TRIM59: variants seen among roughly 807,000 people sequenced by gnomAD.
The protein encoded by TRIM59 is tripartite motif-containing protein 59.
TRIM59 carries 14 observed loss-of-function variants against 32.2 expected under a neutral mutation model. That is an observed-to-expected ratio of 0.43 (90% confidence interval 0.29 to 0.68). The LOEUF (loss-of-function observed/expected upper bound fraction) is 0.68. Among genes scored for constraint, TRIM59 ranks in the 30% least tolerant of loss-of-function variants. The probability of loss-of-function intolerance (pLI) is 0.15; values close to 1 mark genes in which losing one functional copy is unlikely to be tolerated. For missense variants in TRIM59, 471 were observed against 463.3 expected, an observed-to-expected ratio of 1.02 and a Z score of -0.15; for synonymous variants, 163 against 155.1, an observed-to-expected ratio of 1.05 and a Z score of -0.38.
chr3:160,435,932 G>C lies in TRIM59; in HGVS notation c.*2040C>G, dbSNP rs1718917241. 5 of 1,282,752 alleles carry C rather than the reference G, an allele frequency of 3.9e-6. No homozygotes were observed. The highest frequency in any genetic ancestry group is 5.1e-6 in the Non-Finnish European group (5 of 985,110). 79.5% of individuals were successfully genotyped at this position (1,282,752 alleles called of 1,614,324 possible). On this transcript the variant is annotated 3_prime_UTR_variant, in exon 3 of 3. Coordinates refer to ENST00000309784, the MANE Select transcript of TRIM59 (RefSeq NM_173084.3). Reference sequence around the variant, plus strand: ...TTAAAAATATTCACATCACAGAAATGAGATTAAGTAGTTTAACACATAATG... The same window carrying C: ...TTAAAAATATTCACATCACAGAAATCAGATTAAGTAGTTTAACACATAATG...
intron 2 of TRIM59, among the ~76,000 whole-genome samples, chr3:160,443,993 G>C (rs540603318): frequency 6.6e-6 from 1 of 151,918 alleles, no homozygotes; most frequent in Admixed American, 6.6e-5. Context: ...CATATTGAGA[G>C]GTAACTAAAT....
intron 2 of TRIM59, among the ~76,000 whole-genome samples, chr3:160,441,491 C>T (rs918618028): frequency 3.3e-5 from 5 of 152,016 alleles, no homozygotes; most frequent in Non-Finnish European, 7.4e-5. Context: ...CGGGGGCTCA[C>T]GCCTGTAATC....
chr3:160,444,109 C>T (rs1719398029), intron 2 of TRIM59, among the ~76,000 whole-genome samples: 1 of 151,884 alleles, frequency 6.6e-6, no homozygotes, highest in Admixed American at 6.6e-5. Context: ...ATATCAAATA[C>T]TGATTTTACC....
rs1719070739 is a variant in TRIM59, at chr3:160,438,157, T to G, written c.1027A>C (p.Met343Leu). 6.2e-7 allele frequency: 1 copy of G among 1,611,762 alleles called. No individual in the cohort carries two copies. Among genetic ancestry groups the G allele is most frequent in the South Asian group, 1.1e-5 (1 of 90,338 alleles). The part of the protein sequence containing the change: ...VVVTLISVIL[M>L]SILFFNQHII... ...TGTTGGTTGAAAAAGAGTATCGACA[T>G]CAGTATTACTGAAATTAATGTAACT... The change falls in exon 3 of 3, where the codon ATG becomes CTG. Residue 343 changes from methionine (M) to leucine (L), a missense_variant. Transcript: ENST00000309784.
chr3:160,438,554 A>G lies in TRIM59; in HGVS notation c.630T>C (p.Val210=). The change falls in exon 3 of 3, where the codon GTT becomes GTC. Residue 210 remains valine (V), a synonymous_variant. Transcript: ENST00000309784. ...KKSFLTALCD[V]GNLINQEYTP... ...TATATTCTTGATTAATTAGATTGCC[A>G]ACATCACAGAGAGCCGTTAGGAAAC... 2 of 1,611,318 alleles carry G rather than the reference A, an allele frequency of 1.2e-6. No individual in the cohort carries two copies. The highest frequency in any genetic ancestry group is 2.2e-5 in the South Asian group (2 of 89,938).
At chr3:160,441,308 G>A (rs1451713986) in intron 2 of TRIM59, among the ~76,000 whole-genome samples, 2 of 152,190 alleles carry the variant, frequency 1.3e-5, no homozygotes, top group Non-Finnish European at 2.9e-5. Flanking sequence ...TTTTAACACT[G>A]CAGGCATTCA....
chr3:160,444,539 A>G (rs1040841142), intron 2 of TRIM59, among the ~76,000 whole-genome samples: 3 of 152,196 alleles, frequency 2.0e-5, no homozygotes, highest in African/African-American at 7.2e-5. Flanking sequence ...CTGTCCTATA[A>G]TGTGACTTTG....
chr3:160,440,687 G>T (rs532704877), intron 2 of TRIM59, among the ~76,000 whole-genome samples: 1 of 152,204 alleles, frequency 6.6e-6, no homozygotes, highest in South Asian at 2.1e-4. Context: ...CGAGGCGGGC[G>T]GATCACCTGA....
At chr3:160,440,757 C>T (rs1413449849) in intron 2 of TRIM59, among the ~76,000 whole-genome samples, 1 of 152,086 alleles carries the variant, frequency 6.6e-6, no homozygotes, top group Non-Finnish European at 1.5e-5. Context: ...ACTAAAAATA[C>T]AAAATTAGCC....
At chr3:160,440,527 A>C (rs951665525) in intron 2 of TRIM59, among the ~76,000 whole-genome samples, 1 of 152,194 alleles carries the variant, frequency 6.6e-6, no homozygotes, top group African/African-American at 2.4e-5. Flanking sequence ...CCCTCAATGC[A>C]TCAGCCACAA....
rs758339328 is a variant in TRIM59 at position 160,438,820 on chromosome 3, T to C, written c.364A>G (p.Thr122Ala). The change falls in exon 3 of 3, where the codon ACC becomes GCC. Residue 122 changes from threonine to alanine, a missense_variant. Transcript: ENST00000309784. ...DKKLVCGHCL[T>A]IGQHHGHPID... is the part of the protein sequence containing the mutation. ...GGATGACCATGATGTTGACCTATGGTAAGGCAATGACCACAAACTAATTTT... is the reference window on the plus strand; with the variant it reads ...GGATGACCATGATGTTGACCTATGGCAAGGCAATGACCACAAACTAATTTT... 1 of 1,614,028 alleles carries C rather than the reference T, an allele frequency of 6.2e-7. No homozygotes were observed. The highest frequency in any genetic ancestry group is 1.1e-5 in the South Asian group (1 of 91,082).
chr3:160,438,569 C>T lies in TRIM59; in HGVS notation c.615G>A (p.Thr205=), dbSNP rs369853660. 5.4e-5 allele frequency: 87 copies of T among 1,610,740 alleles called. No homozygotes were observed. Among genetic ancestry groups the T allele is most frequent in the Non-Finnish European group, 6.6e-5 (78 of 1,179,300 alleles). Residue 205 remains threonine (T), a synonymous_variant, in exon 3 of 3, where the codon ACG becomes ACA. Coordinates refer to ENST00000309784, the MANE Select transcript of TRIM59 (RefSeq NM_173084.3). The stretch of plus-strand genomic sequence containing the variant: ...TTAGATTGCCAACATCACAGAGAGC[C>T]GTTAGGAAACTTTTTTTTTTCTGTT... ...TLEQKKKSFL[T]ALCDVGNLIN...
rs764450887 is a variant in TRIM59 at position 160,438,012 on chromosome 3, T to C, written c.1172A>G (p.Tyr391Cys). ...KVKNILCHIF[Y>C]LLKEFVWKIV... ...TTTCCACACAAATTCCTTCAACAAA[T>C]AGAAAATGTGACACAGTATATTCTT... The change falls in exon 3 of 3, where the codon TAT becomes TGT. Residue 391 changes from tyrosine (Y) to cysteine (C), a missense_variant. Transcript: ENST00000309784. The C allele has an allele frequency of 3.8e-6, 6 of 1,560,950 alleles. No homozygotes were observed. The highest frequency in any genetic ancestry group is 5.2e-6 in the Non-Finnish European group (6 of 1,160,396).
rs757836231 is a variant in TRIM59 at position 160,438,703 on chromosome 3, T to C, written c.481A>G (p.Thr161Ala). The C allele has an allele frequency of 6.2e-7, 1 of 1,613,904 alleles. No individual in the cohort carries two copies. The highest frequency in any genetic ancestry group is 1.7e-5 in the Admixed American group (1 of 59,982). ...TCTTTCAGCTTTTCAATAAGATGGGTAAGATCTGTCCAGTGTGTGTCAGTC... is the reference window on the plus strand; with the variant it reads ...TCTTTCAGCTTTTCAATAAGATGGGCAAGATCTGTCCAGTGTGTGTCAGTC... ...QLTDTHWTDL[T>A]HLIEKLKEQK... The change falls in exon 3 of 3, where the codon ACC (threonine) becomes GCC (alanine). Residue 161 changes from threonine to alanine, a missense_variant. By Grantham distance (58) the Thr-to-Ala change is moderately conservative. Coordinates refer to ENST00000309784, the MANE Select transcript of TRIM59 (RefSeq NM_173084.3).
At chr3:160,443,988 TGAGAGGTAACTAAA>T (rs1719391968) in intron 2 of TRIM59, among the ~76,000 whole-genome samples, 1 of 152,038 alleles carries the variant, frequency 6.6e-6, no homozygotes, top group Non-Finnish European at 1.5e-5. Context: ...TGAAACATAT[TGAGAGGTAACTAAA>T]TTTAGGGAAA....
At chr3:160,449,615 G>T (rs1719718149) in intron 1 of TRIM59, 102 bp downstream of exon 1, 1 of 1,289,576 alleles carries the variant, frequency 7.8e-7, no homozygotes, top group Non-Finnish European at 1.0e-6. Context: ...CGCGCCCCCA[G>T]GACTCCCCGC....
At chr3:160,445,885 C>T (rs1172743884) in intron 2 of TRIM59, among the ~76,000 whole-genome samples, 1 of 151,996 alleles carries the variant, frequency 6.6e-6, no homozygotes, top group Non-Finnish European at 1.5e-5. Flanking sequence ...GTGACCATGG[C>T]TCACTGCAGC....
chr3:160,449,352 C>A (rs558471287), intron 1 of TRIM59: 111 of 475,296 alleles, frequency 2.3e-4, no homozygotes, highest in African/African-American at 2.2e-3. Context: ...CAGTACTCTT[C>A]CCTTCCCCTT....
intron 2 of TRIM59, among the ~76,000 whole-genome samples, chr3:160,441,598 A>T (rs1245835483): frequency 2.0e-5 from 3 of 151,690 alleles, no homozygotes; most frequent in Non-Finnish European, 1.5e-5. Context: ...CTAAAAATAC[A>T]AAAAAATTAG....
Sources: allele counts gnomAD v4.1 joint callset (sites outside exome capture counted in the v4.1 genomes callset), GRCh38; gene constraint gnomAD v4.1.1; transcripts MANE v1.5; gene names NCBI Gene and HGNC (gene_info 2026-07-23, HGNC 2026-07-21).